Variants in PPP1R17 observed in about 807,000 individuals in gnomAD.
The protein encoded by PPP1R17 is G-substrate.
Under a neutral mutation model 15.9 loss-of-function variants are expected in PPP1R17, and 12 were observed. The ratio of observed to expected loss-of-function variants is 0.75; its 90% CI spans 0.48 to 1.22. The LOEUF (loss-of-function observed/expected upper bound fraction) is 1.22. Among genes scored for constraint, PPP1R17 ranks in the 50% most tolerant of loss-of-function variants. The pLI, the probability that PPP1R17 is intolerant of heterozygous loss-of-function variation, is 0.00. For missense variants in PPP1R17, 211 were observed against 187.3 expected, an observed-to-expected ratio of 1.13 and a Z score of -0.74; for synonymous variants, 63 against 64.5, an observed-to-expected ratio of 0.98 and a Z score of 0.11.
intron 2 of PPP1R17, among the ~76,000 whole-genome samples, chr7:31,693,481 C>T (rs1792443557): frequency 6.6e-6 from 1 of 152,176 alleles, no homozygotes; most frequent in Non-Finnish European, 1.5e-5. Flanking sequence ...AATCCTGATA[C>T]CATAACCTGC....
chr7:31,701,986 G>A (rs1792867375), intron 4 of PPP1R17, among the ~76,000 whole-genome samples: 1 of 152,160 alleles, frequency 6.6e-6, no homozygotes, highest in South Asian at 2.1e-4. Context: ...GGAAGAACCT[G>A]CAAGATCTCT....
intron 4 of PPP1R17, among the ~76,000 whole-genome samples, chr7:31,700,657 T>C (rs1282794633): frequency 1.3e-5 from 2 of 152,194 alleles, no homozygotes; most frequent in Non-Finnish European, 2.9e-5. Context: ...GGAAAGGAGA[T>C]GTCAATGCCT....
intron 1 of PPP1R17, 68 bp from the exon 2 acceptor site, chr7:31,692,338 C>T: frequency 1.1e-6 from 1 of 933,228 alleles, no homozygotes; most frequent in Admixed American, 2.2e-5. Flanking sequence ...AATATATTTA[C>T]TTAGCAAATG....
At chr7:31,706,967 T>G (rs1460634495) in intron 4 of PPP1R17, among the ~76,000 whole-genome samples, 1 of 152,198 alleles carries the variant, frequency 6.6e-6, no homozygotes, top group Non-Finnish European at 1.5e-5. Context: ...GAAGGTTGCC[T>G]CTGACTTCCA....
chr7:31,688,318 T>G, intron 1 of PPP1R17, among the ~76,000 whole-genome samples: 1 of 152,240 alleles, frequency 6.6e-6, no homozygotes, highest in Non-Finnish European at 1.5e-5. Flanking sequence ...AAACGTTGGC[T>G]TCTACCTTAT....
intron 4 of PPP1R17, among the ~76,000 whole-genome samples, chr7:31,698,426 G>C (rs982618468): frequency 3.3e-5 from 5 of 152,054 alleles, no homozygotes; most frequent in Non-Finnish European, 7.3e-5. Context: ...AAGATGAATG[G>C]TGGGTTTTTG....
At chr7:31,700,263 G>A (rs1792786060) in intron 4 of PPP1R17, among the ~76,000 whole-genome samples, 1 of 152,216 alleles carries the variant, frequency 6.6e-6, no homozygotes, top group African/African-American at 2.4e-5. Flanking sequence ...TGATATGGAA[G>A]TGAAACATCC....
At chr7:31,703,579 A>C (rs1224936319) in intron 4 of PPP1R17, among the ~76,000 whole-genome samples, 1 of 152,232 alleles carries the variant, frequency 6.6e-6, no homozygotes, top group African/African-American at 2.4e-5. Flanking sequence ...TATTAGCTGA[A>C]GTACTTTATT....
At chr7:31,700,956 C>T (rs1359149734) in intron 4 of PPP1R17, among the ~76,000 whole-genome samples, 1 of 152,198 alleles carries the variant, frequency 6.6e-6, no homozygotes, top group African/African-American at 2.4e-5. Flanking sequence ...TACCTCATCA[C>T]CCAAGAGCTC....
At chr7:31,697,735 G>T (rs1792659574) in intron 4 of PPP1R17, among the ~76,000 whole-genome samples, 2 of 152,126 alleles carry the variant, frequency 1.3e-5, no homozygotes, top group African/African-American at 4.8e-5. Context: ...GTTGTGTTGG[G>T]GAAGTGACGG....
At chr7:31,695,846 A>G (rs920357535) in intron 3 of PPP1R17, 7 of 356,238 alleles carry the variant, frequency 2.0e-5, no homozygotes, top group East Asian at 4.7e-5. Context: ...TTACCTACCA[A>G]TAGTGAAACC....
intron 1 of PPP1R17, among the ~76,000 whole-genome samples, chr7:31,691,578 G>A (rs73686929): frequency 1.4e-4 from 21 of 151,890 alleles, no homozygotes; most frequent in Admixed American, 7.2e-4. Flanking sequence ...GCTCCTGGGC[G>A]ACAGCTATAA....
intron 4 of PPP1R17, among the ~76,000 whole-genome samples, chr7:31,697,358 G>C (rs1356601859): frequency 6.6e-6 from 1 of 152,206 alleles, no homozygotes; most frequent in Non-Finnish European, 1.5e-5. Flanking sequence ...AGCAGAGCTG[G>C]TTGAATTCAC....
In PPP1R17 at chr7:31,695,558, T is replaced by A. The variant is rs1792542424; in HGVS notation, c.172T>A (p.Ser58Thr). 4 of 1,613,564 alleles carry A rather than the reference T, an allele frequency of 2.5e-6. No homozygotes were observed. The highest frequency in any genetic ancestry group is 1.3e-5 in the African/African-American group (1 of 74,794). ...TGTACAGGCCACCCTGAATGTTGAG[T>A]CAGACCAAAAAAAACCAAGGAGGAA... ...KNVQATLNVE[S>T]DQKKPRRKDT... The change falls in exon 3 of 5, where the codon TCA (serine) becomes ACA (threonine). Residue 58 changes from serine (S) to threonine (T), a missense_variant. Physicochemically the swap from Ser to Thr is moderately conservative, Grantham distance 58. Coordinates refer to ENST00000342032, the MANE Select transcript of PPP1R17 (RefSeq NM_006658.5).
rs1792615850 is a variant in PPP1R17, at chr7:31,697,050, T to C, written c.321T>C (p.Thr107=). The C allele has an allele frequency of 6.2e-7, 1 of 1,614,050 alleles. No individual in the cohort carries two copies. Reference sequence around the variant, plus strand: ...AAATGATCCCTGTTCTTCATAACACTGACCTGGAACAGAAAAAGCCAAGGA... The same window carrying C: ...AAATGATCCCTGTTCTTCATAACACCGACCTGGAACAGAAAAAGCCAAGGA... The part of the protein sequence containing the change: ...KGKMIPVLHN[T]DLEQKKPRRK... The change falls in exon 4 of 5, where the codon ACT becomes ACC. Residue 107 remains threonine (T), a synonymous_variant. Coordinates refer to ENST00000342032, the MANE Select transcript of PPP1R17 (RefSeq NM_006658.5).
Position 31,707,061 on chromosome 7 carries a change from T to C in PPP1R17, c.389-143T>C, listed in dbSNP as rs1793097534. On this transcript the variant is annotated intron_variant, in intron 4 of 4. Transcript: ENST00000342032. ...AGATAGAGCCACCCAGCTCCTTCTC[T>C]GGGTTGGTACTGTTAGCAGGTAACC... is the stretch of plus-strand genomic sequence containing the variant. 4.8e-6 allele frequency: 3 copies of C among 631,228 alleles called. No homozygotes were observed. The South Asian group carries it at 7.7e-5, about 16-fold the overall frequency. 39.1% of individuals were successfully genotyped at this position (631,228 alleles called of 1,614,324 possible). A position where few individuals can be genotyped will look rare whatever the true frequency, so the allele number is the denominator to read the frequency against.
At chr7:31,703,464 T>A (rs1792938265) in intron 4 of PPP1R17, among the ~76,000 whole-genome samples, 1 of 152,216 alleles carries the variant, frequency 6.6e-6, no homozygotes, top group Non-Finnish European at 1.5e-5. Context: ...AGAGGTTGTA[T>A]AACCATAGCC....
intron 4 of PPP1R17, among the ~76,000 whole-genome samples, chr7:31,705,371 T>G (rs1793023182): frequency 6.6e-6 from 1 of 152,204 alleles, no homozygotes; most frequent in Non-Finnish European, 1.5e-5. Context: ...TGGAAAATTT[T>G]GGGGCTCAGC....
intron 4 of PPP1R17, among the ~76,000 whole-genome samples, chr7:31,702,063 C>T (rs989936992): frequency 3.9e-5 from 6 of 152,124 alleles, no homozygotes; most frequent in African/African-American, 1.4e-4. Flanking sequence ...TTGTATAACC[C>T]AGATCTGATC....
Sources: allele counts gnomAD v4.1 joint callset (sites outside exome capture counted in the v4.1 genomes callset), GRCh38; gene constraint gnomAD v4.1.1; transcripts MANE v1.5; gene names NCBI Gene and HGNC (gene_info 2026-07-23, HGNC 2026-07-21).